The following FCAMR variants were observed in gnomAD, a reference collection of about 807,000 sequenced individuals.
FCAMR encodes high affinity immunoglobulin alpha and immunoglobulin mu Fc receptor.
A neutral mutation model predicts 52.2 loss-of-function variants in FCAMR; 51 were observed. That is an observed-to-expected ratio of 0.98 (90% confidence interval 0.78 to 1.23). The LOEUF (loss-of-function observed/expected upper bound fraction) is 1.23. Ranked by LOEUF, FCAMR falls within the 50% of genes most tolerant of loss-of-function variation. The probability of loss-of-function intolerance (pLI) is 0.00; values close to 1 mark genes in which losing one functional copy is unlikely to be tolerated. For synonymous variants in FCAMR, 282 were observed against 262.0 expected (o/e 1.08, Z -0.74); for missense variants, 719 against 712.6 (o/e 1.01, Z -0.10).
chr1:206,962,297 G>C lies in FCAMR; in HGVS notation c.568C>G (p.Pro190Ala), dbSNP rs1044727988. Residue 190 changes from proline to alanine, a missense_variant, in exon 5 of 8, where the codon CCG (proline) becomes GCG (alanine). Physicochemically the swap from Pro to Ala is conservative, Grantham distance 27 (BLOSUM62 -1). Coordinates refer to ENST00000324852, the MANE Select transcript of FCAMR (RefSeq NM_001170631.2). ...LFVVRLSQLS[P>A]DDIGCYLCGI... ...CAGAGGTAGCATCCGATGTCATCCG[G>C]GGACAGTTGGGACAGCCTCACCACA... is the stretch of plus-strand genomic sequence containing the variant. 1 of 1,614,054 alleles carries C rather than the reference G, an allele frequency of 6.2e-7. No homozygotes were observed. The highest frequency in any genetic ancestry group is 8.5e-7 in the Non-Finnish European group (1 of 1,180,032).
At position 206,965,749 on chromosome 1, in the gene FCAMR, C is replaced by T. The variant is rs368626305; in HGVS notation, c.279G>A (p.Ser93=). The change falls in exon 4 of 8, where the codon TCG becomes TCA. Residue 93 remains serine, a synonymous_variant. Coordinates refer to ENST00000324852, the MANE Select transcript of FCAMR (RefSeq NM_001170631.2). The stretch of plus-strand genomic sequence containing the variant: ...AGCTCTCCTCCCGCCAGCAGAGGGG[C>T]GAGGAAGGCCTGAGTGTTCCCATGG... ...LRAMGTLRPS[S]PLCWREESSF... The T allele has an allele frequency of 2.3e-5, 37 of 1,577,980 alleles. No homozygotes were observed. The highest frequency in any genetic ancestry group is 2.8e-5 in the Non-Finnish European group (33 of 1,166,862).
rs1006911735 is a variant in FCAMR, at chr1:206,962,133, G to C, written c.652+80C>G. The C allele has an allele frequency of 5.7e-6, 8 of 1,402,338 alleles. No homozygotes were observed. The Admixed American group carries it at 1.3e-4, about 23-fold the overall frequency. The allele number at this position is 1,402,338 out of a possible 1,614,324, so 86.9% of individuals were successfully genotyped here. A position where few individuals can be genotyped will look rare whatever the true frequency, so the allele number is the denominator to read the frequency against. On this transcript the variant is annotated intron_variant, in intron 5 of 7. Transcript: ENST00000324852. ...TTCCCTAATGTTTCAAGCCCTTCTG[G>C]GTCTCTGAGGCTTCTCTCCCACTTT...
chr1:206,964,769 G>A (rs974592757), intron 4 of FCAMR, among the ~76,000 whole-genome samples: 1 of 152,072 alleles, frequency 6.6e-6, no homozygotes, highest in African/African-American at 2.4e-5. Flanking sequence ...TTATAGCACC[G>A]TAAAAATGGC....
In FCAMR at chr1:206,958,366, A is replaced by G; in HGVS notation, c.*150T>C. Reference sequence around the variant, plus strand: ...GCTTGACTTTCTTGGGCCCAAGGACAGCCAGCCTTTCTTCCATGGGTGGAG... The same window carrying G: ...GCTTGACTTTCTTGGGCCCAAGGACGGCCAGCCTTTCTTCCATGGGTGGAG... On this transcript the variant is annotated 3_prime_UTR_variant, in exon 8 of 8. Coordinates refer to ENST00000324852, the MANE Select transcript of FCAMR (RefSeq NM_001170631.2). 1 of 864,466 alleles carries G rather than the reference A, an allele frequency of 1.2e-6. No homozygotes were observed. The highest frequency in any genetic ancestry group is 1.7e-6 in the Non-Finnish European group (1 of 576,932). 53.5% of individuals were successfully genotyped at this position (864,466 alleles called of 1,614,324 possible).
At chr1:206,967,022 CCCTGAA>C (rs1295085584) in intron 3 of FCAMR, 24 bp downstream of exon 3, 2 of 1,612,282 alleles carry the variant, frequency 1.2e-6, no homozygotes, top group Non-Finnish European at 1.7e-6. Context: ...GTTTTGTAAG[CCCTGAA>C]CCTGGGCTGG....
Position 206,965,567 on chromosome 1 carries a change from C to T in FCAMR, c.313+148G>A, listed in dbSNP as rs920875600. ...GAGGTGGGTGCCCTGGCTCTCATCC[C>T]CTCATTGTTACTCAGCAATTGTCTA... On this transcript the variant is annotated intron_variant, in intron 4 of 7. Transcript: ENST00000324852. 1.4e-5 allele frequency: 14 copies of T among 1,007,890 alleles called. No homozygotes were observed. The African/African-American group carries it at 1.5e-4, about 11-fold the overall frequency. The allele number at this position is 1,007,890 out of a possible 1,614,324, so 62.4% of individuals were successfully genotyped here.
intron 4 of FCAMR, 116 bp from the exon 5 acceptor site, chr1:206,962,667 G>A (rs1389959598): frequency 2.5e-6 from 2 of 791,914 alleles, no homozygotes; most frequent in Non-Finnish European, 3.9e-6. Flanking sequence ...ATACCACTGT[G>A]AACATGGAGC....
In FCAMR at chr1:206,962,172, C is replaced by T. The variant is rs1195038457; in HGVS notation, c.652+41G>A. The T allele has an allele frequency of 1.9e-5, 30 of 1,582,248 alleles. No homozygotes were observed. In the African/African-American group the frequency reaches 2.4e-4, roughly 13 times the overall value. On this transcript the variant is annotated intron_variant, in intron 5 of 7. Transcript: ENST00000324852. ...CTCTCCCACTTTCTCCTTCCTAGAA[C>T]GTGCTTCACCAAGCTTGGCCCATCA...
intron 1 of FCAMR, among the ~76,000 whole-genome samples, chr1:206,969,764 G>A (rs575485805): frequency 2.8e-4 from 42 of 152,286 alleles, no homozygotes; most frequent in African/African-American, 8.7e-4. Flanking sequence ...GCAATAACTT[G>A]GCCAATGTTC....
chr1:206,962,371 C>T lies in FCAMR; in HGVS notation c.494G>A (p.Arg165His), dbSNP rs561968221. Reference sequence around the variant, plus strand: ...TGTGAGGGCCACACGGTCACGATAGCGATGGTGAGTATACTGGTTGGTGGA... The same window carrying T: ...TGTGAGGGCCACACGGTCACGATAGTGATGGTGAGTATACTGGTTGGTGGA... ...IVSTNQYTHHRYRDRVALTDF... is the reference protein window; with the variant it reads ...IVSTNQYTHHHYRDRVALTDF... Residue 165 changes from arginine to histidine, a missense_variant, in exon 5 of 8, where the codon CGC (arginine) becomes CAC (histidine). Coordinates refer to ENST00000324852, the MANE Select transcript of FCAMR (RefSeq NM_001170631.2). 1.3e-5 allele frequency: 21 copies of T among 1,614,158 alleles called. No homozygotes were observed. The highest frequency in any genetic ancestry group is 6.7e-5 in the Admixed American group (4 of 60,020).
At chr1:206,967,743 A>G in intron 1 of FCAMR, 92 bp from the exon 2 acceptor site, 3 of 1,194,138 alleles carry the variant, frequency 2.5e-6, no homozygotes, top group Non-Finnish European at 3.7e-6. Context: ...TAAAAATTAA[A>G]TCTCAGACCA....
chr1:206,968,022 CT>C (rs1381666304), intron 1 of FCAMR, among the ~76,000 whole-genome samples: 9 of 152,324 alleles, frequency 5.9e-5, no homozygotes, highest in African/African-American at 2.2e-4. Context: ...ACACAATGGT[CT>C]TTTACCGCTT....
chr1:206,968,200 G>A (rs905625653), intron 1 of FCAMR, among the ~76,000 whole-genome samples: 1 of 152,106 alleles, frequency 6.6e-6, no homozygotes, highest in Non-Finnish European at 1.5e-5. Flanking sequence ...TTAGCCTGAC[G>A]TGGTGGCACA....
intron 3 of FCAMR, 132 bp downstream of exon 3, chr1:206,966,920 G>A: frequency 1.3e-6 from 1 of 763,322 alleles, no homozygotes; most frequent in Non-Finnish European, 2.2e-6. Context: ...TGGAGATGGA[G>A]CCATTTGTCA....
At chr1:206,963,683 T>C (rs1297532381) in intron 4 of FCAMR, among the ~76,000 whole-genome samples, 1 of 152,156 alleles carries the variant, frequency 6.6e-6, no homozygotes, top group Non-Finnish European at 1.5e-5. Flanking sequence ...CCTTCCCCTG[T>C]TCAAAGCTTC....
rs114889196 is a variant in FCAMR, at chr1:206,960,697, T to A, written c.1179A>T (p.Gln393His). 6.4e-7 allele frequency: 1 copy of A among 1,552,268 alleles called. No individual in the cohort carries two copies. The change falls in exon 6 of 8, where the codon CAA becomes CAT. Residue 393 changes from glutamine to histidine, a missense_variant. Gln to His is a conservative substitution (Grantham distance 24, BLOSUM62 0). Transcript: ENST00000324852. ...SETLAWEILP[Q>H]ATPVSKQQSQ... ...ATTGTTGCTTAGAAACTGGCGTTGC[T>A]TGTGGGAGGATTTCCCAGGCCAAAG...
chr1:206,959,631 G>T, intron 7 of FCAMR, 48 bp downstream of exon 7: 2 of 1,488,992 alleles, frequency 1.3e-6, no homozygotes, highest in Non-Finnish European at 1.9e-6. Flanking sequence ...GAGGGTGTCA[G>T]GTGGGAACCA....
At chr1:206,964,253 G>T (rs1403879093) in intron 4 of FCAMR, among the ~76,000 whole-genome samples, 2 of 152,164 alleles carry the variant, frequency 1.3e-5, no homozygotes, top group Non-Finnish European at 2.9e-5. Context: ...GCTGGGACCA[G>T]CTCTATGTGT....
chr1:206,959,846 CAGA>C lies in FCAMR; in HGVS notation c.1455-52_1455-50del, dbSNP rs71765220. On this transcript the variant is annotated intron_variant, in intron 6 of 7. Coordinates refer to ENST00000324852, the MANE Select transcript of FCAMR (RefSeq NM_001170631.2). ...CAGGGGAGAGGAGGTTGGAGCTGGGCAGAAGATTAAAGACCATTTACCCACATC... is the reference window on the plus strand; with the variant it reads ...CAGGGGAGAGGAGGTTGGAGCTGGGCAGATTAAAGACCATTTACCCACATC... 9.5e-4 allele frequency: 1,382 copies of C among 1,450,342 alleles called. 12 individuals carry two copies. The African/African-American group carries it at 0.015, about 16-fold the overall frequency. 89.8% of individuals were successfully genotyped at this position (1,450,342 alleles called of 1,614,324 possible).
Sources: gnomAD v4.1 joint callset for allele counts (sites outside exome capture counted in the v4.1 genomes callset) on GRCh38, gnomAD v4.1.1 for gene constraint, MANE v1.5 for transcripts, NCBI Gene and HGNC (gene_info 2026-07-23, HGNC 2026-07-21) for gene names.